AUTS2: variants seen among roughly 807,000 people sequenced by gnomAD.
AUTS2 encodes the protein autism susceptibility gene 2 protein.
Under a neutral mutation model 112.4 loss-of-function variants are expected in AUTS2, and 17 were observed. That is an observed-to-expected ratio of 0.15 (90% CI 0.10 to 0.23). The LOEUF (loss-of-function observed/expected upper bound fraction) is 0.23, where lower values mean the gene tolerates loss of function less well. Ranked by LOEUF, AUTS2 falls within the 10% of genes least tolerant of loss-of-function variation. AUTS2 has a pLI of 1.00. For missense variants in AUTS2, 1,510 were observed against 1,701.6 expected, an observed-to-expected ratio of 0.89 and a Z score of 1.98; for synonymous variants, 751 against 702.7, an observed-to-expected ratio of 1.07 and a Z score of -1.09.
intron 5 of AUTS2, among the ~76,000 whole-genome samples, chr7:70,575,188 G>A (rs1802108020): frequency 6.6e-6 from 1 of 152,178 alleles, no homozygotes; most frequent in Admixed American, 6.5e-5. Context: ...TCTGTTCACT[G>A]CAGTTTTAAT....
In AUTS2 at chr7:70,611,098, G is replaced by A. The variant is rs555502136; in HGVS notation, c.691-87471G>A. Reference sequence around the variant, plus strand: ...TCTTCCAGGAGTTTTACAGCTTCAGGTCTTGTATTACATGTAAGTCTTTAA... The same window carrying A: ...TCTTCCAGGAGTTTTACAGCTTCAGATCTTGTATTACATGTAAGTCTTTAA... On this transcript the variant is annotated intron_variant, in intron 5 of 18. Transcript: ENST00000342771. 5.3e-5 allele frequency among the ~76,000 whole-genome samples: 8 copies of A among 152,246 alleles called. No homozygotes were observed. The South Asian group carries it at 1.2e-3, about 24-fold the overall frequency.
chr7:70,726,056 G>T (rs1787010634), intron 6 of AUTS2, among the ~76,000 whole-genome samples: 2 of 151,732 alleles, frequency 1.3e-5, no homozygotes, highest in African/African-American at 2.4e-5. Flanking sequence ...AGAAGGGAAG[G>T]CTAGAGGGCT....
At chr7:69,777,607 C>T (rs1431897826) in intron 1 of AUTS2, among the ~76,000 whole-genome samples, 2 of 152,202 alleles carry the variant, frequency 1.3e-5, no homozygotes, top group Non-Finnish European at 2.9e-5. Flanking sequence ...TTTATTTCTT[C>T]AACTATGCCC....
chr7:70,556,897 T>G (rs1421267127), intron 5 of AUTS2, among the ~76,000 whole-genome samples: 1 of 152,108 alleles, frequency 6.6e-6, no homozygotes, highest in African/African-American at 2.4e-5. Flanking sequence ...GGTGTCATCT[T>G]AAAAGTACTT....
chr7:69,730,527 A>G (rs1190487590), intron 1 of AUTS2, among the ~76,000 whole-genome samples: 2 of 152,198 alleles, frequency 1.3e-5, no homozygotes, highest in African/African-American at 4.8e-5. Flanking sequence ...CGTGTTATTC[A>G]TATCTTGGGA....
At chr7:70,107,452 T>C (rs1337414027) in intron 2 of AUTS2, among the ~76,000 whole-genome samples, 1 of 147,216 alleles carries the variant, frequency 6.8e-6, no homozygotes, top group Non-Finnish European at 1.5e-5. Flanking sequence ...CAGGCAATTC[T>C]CCTGCCTCAG....
chr7:70,375,675 G>A (rs1793052641), intron 4 of AUTS2, among the ~76,000 whole-genome samples: 1 of 152,162 alleles, frequency 6.6e-6, no homozygotes, highest in South Asian at 2.1e-4. Context: ...CTGAATTAAT[G>A]GCAGATTCTG....
At chr7:70,508,545 C>G (rs1410324426) in intron 5 of AUTS2, among the ~76,000 whole-genome samples, 1 of 152,126 alleles carries the variant, frequency 6.6e-6, no homozygotes, top group Non-Finnish European at 1.5e-5. Context: ...CAAAATCTTT[C>G]TCTCCCCAGT....
chr7:70,194,504 C>T (rs943949825), intron 4 of AUTS2, among the ~76,000 whole-genome samples: 1 of 152,204 alleles, frequency 6.6e-6, no homozygotes. Context: ...ACTTTCTGGA[C>T]TAACCATAAC....
Position 69,928,522 on chromosome 7 carries a change from T to C in AUTS2, c.522+29024T>C, listed in dbSNP as rs117317186. 3.9e-4 allele frequency among the ~76,000 whole-genome samples: 60 copies of C among 152,332 alleles called. 1 individual carries two copies. The East Asian group carries it at 0.011, about 28-fold the overall frequency. On this transcript the variant is annotated intron_variant, in intron 2 of 18. Coordinates refer to ENST00000342771, the MANE Select transcript of AUTS2 (RefSeq NM_015570.4). ...GCAGCTCCAGCCTCCCTCCTGTGCT[T>C]ACACCCAATGTCTGGAGGGGCCTGA...
chr7:69,877,213 C>T (rs929334483), intron 1 of AUTS2, among the ~76,000 whole-genome samples: 1 of 152,018 alleles, frequency 6.6e-6, no homozygotes, highest in African/African-American at 2.4e-5. Context: ...CAGTTAGTGA[C>T]CATTTTGAGT....
chr7:70,077,787 C>G (rs542893789), intron 2 of AUTS2, among the ~76,000 whole-genome samples: 2 of 152,216 alleles, frequency 1.3e-5, no homozygotes, highest in Non-Finnish European at 2.9e-5. Context: ...ATTGTTTTAC[C>G]CCTTCTGGAT....
Position 70,232,322 on chromosome 7 carries a change from C to T in AUTS2, c.660+97751C>T, listed in dbSNP as rs542829429. On this transcript the variant is annotated intron_variant, in intron 4 of 18. Coordinates refer to ENST00000342771, the MANE Select transcript of AUTS2 (RefSeq NM_015570.4). ...TATTAATGAAGCTGCTATGAACATC[C>T]TCCTCTTTGTCTTTCTATGAGCATA... Among the ~76,000 whole-genome samples, 69 of 152,042 alleles carry T rather than the reference C, an allele frequency of 4.5e-4. 1 individual carries two copies. The highest frequency in any genetic ancestry group is 1.5e-3 in the African/African-American group (61 of 41,474).
chr7:70,007,556 G>A (rs1799600941), intron 2 of AUTS2, among the ~76,000 whole-genome samples: 1 of 152,090 alleles, frequency 6.6e-6, no homozygotes, highest in South Asian at 2.1e-4. Flanking sequence ...TTTATTATGT[G>A]ATAGTCACTA....
At chr7:70,615,389 C>T (rs531959308) in intron 5 of AUTS2, among the ~76,000 whole-genome samples, 27 of 152,296 alleles carry the variant, frequency 1.8e-4, no homozygotes, top group African/African-American at 6.5e-4. Context: ...TTCTGTCGAA[C>T]TAAGACTTCC....
At chr7:70,775,202 G>A in intron 12 of AUTS2, 155 bp from the exon 13 acceptor site, 1 of 668,946 alleles carries the variant, frequency 1.5e-6, no homozygotes, top group Non-Finnish European at 2.6e-6. Context: ...TTTTGATAGT[G>A]TGAAAATGGG....
At chr7:69,678,240 T>TG (rs563589527) in intron 1 of AUTS2, among the ~76,000 whole-genome samples, 107 of 152,088 alleles carry the variant, frequency 7.0e-4, no homozygotes, top group African/African-American at 2.5e-3. Context: ...CTGTGGGTCT[T>TG]GGGGGCCAGA....
rs1805268499 is a variant in AUTS2, at chr7:70,631,677, A to T, written c.691-66892A>T. On this transcript the variant is annotated intron_variant, in intron 5 of 18. Transcript: ENST00000342771. This position sits in a 1 kb window ranked among gnomAD's most constrained non-coding sequence, Gnocchi z 4.5. ...ACGAAGAAATGGGTGTGCAGAGAAT[A>T]CAGTCAGCACCATTTATAGCCCCAT... Among the ~76,000 whole-genome samples the T allele has an allele frequency of 6.6e-6, 1 of 152,072 alleles. No individual in the cohort carries two copies. Among genetic ancestry groups the T allele is most frequent in the Non-Finnish European group, 1.5e-5 (1 of 68,016 alleles).
In AUTS2 at chr7:70,791,891, C is replaced by T. The variant is rs1225656424; in HGVS notation, c.*895C>T. On this transcript the variant is annotated 3_prime_UTR_variant, in exon 19 of 19. Transcript: ENST00000342771. ...CAGTGCCAGGGAGGGTGGGATTTGC[C>T]AGATGCCAAAATCAGGGGACGGGTG... The T allele has an allele frequency of 6.6e-6, 1 of 152,178 alleles. No individual in the cohort carries two copies. The highest frequency in any genetic ancestry group is 2.4e-5 in the African/African-American group (1 of 41,420). 9.4% of individuals were successfully genotyped at this position (152,178 alleles called of 1,614,324 possible).
Sources: gnomAD v4.1 joint callset for allele counts (sites outside exome capture counted in the v4.1 genomes callset) on GRCh38, gnomAD v4.1.1 for gene constraint, Gnocchi (gnomAD v3.1) non-coding constraint, MANE v1.5 for transcripts, NCBI Gene and HGNC (gene_info 2026-07-23, HGNC 2026-07-21) for gene names.